MAST2: variants seen among roughly 807,000 people sequenced by gnomAD.
The protein encoded by MAST2 is microtubule-associated serine/threonine-protein kinase 2.
MAST2 carries 70 observed loss-of-function variants against 147.4 expected under a neutral mutation model. The ratio of observed to expected loss-of-function variants is 0.47; its 90% CI spans 0.39 to 0.58. The LOEUF is 0.58. Among genes scored for constraint, MAST2 ranks in the 20% least tolerant of loss-of-function variants. The pLI, the probability that MAST2 is intolerant of heterozygous loss-of-function variation, is 0.00. For synonymous variants in MAST2, 869 were observed against 896.8 expected (o/e 0.97, Z 0.55); for missense variants, 2,080 against 2,302.3 (o/e 0.90, Z 1.98).
chr1:46,036,047 A>C lies in MAST2; in HGVS notation c.5378A>C (p.Glu1793Ala), dbSNP rs777929999. 8.1e-6 allele frequency: 13 copies of C among 1,608,200 alleles called. No individual in the cohort carries two copies. The South Asian group carries it at 1.4e-4, about 18-fold the overall frequency. ...KHRDLALVPDELLKQT is the reference protein window; with the variant it reads ...KHRDLALVPDALLKQT Reference sequence around the variant, plus strand: ...CGGGATTTGGCATTGGTTCCAGATGAGCTTTTAAAGCAAACATAGCAGTTG... The same window carrying C: ...CGGGATTTGGCATTGGTTCCAGATGCGCTTTTAAAGCAAACATAGCAGTTG... The change falls in exon 29 of 29, where the codon GAG becomes GCG. Residue 1793 changes from glutamate (E) to alanine (A), a missense_variant. By Grantham distance (107) the Glu-to-Ala change is moderately radical. This residue lies in a region of MAST2 where 1,278 missense variants were observed against 1,304.2 expected (regional missense o/e 0.98). Coordinates refer to ENST00000361297, the MANE Select transcript of MAST2 (RefSeq NM_015112.3).
intron 4 of MAST2, among the ~76,000 whole-genome samples, chr1:45,920,526 C>G (rs1270048017): frequency 1.3e-5 from 2 of 152,180 alleles, no homozygotes; most frequent in Admixed American, 1.3e-4. Flanking sequence ...AAGGGTAAAT[C>G]TGATCTCTGA....
Position 45,996,712 on chromosome 1 carries a change from T to G in MAST2, c.593-1012T>G, listed in dbSNP as rs139344501. Among the ~76,000 whole-genome samples, 663 of 152,264 alleles carry G rather than the reference T, an allele frequency of 4.4e-3. 5 individuals are homozygous for G. Among genetic ancestry groups the G allele is most frequent in the African/African-American group, 0.015 (619 of 41,546 alleles). ...TAGGAGCACTGATTGAGAGGCTGGT[T>G]TCTACTAGATCAGTATAAAAAGACG... On this transcript the variant is annotated intron_variant, in intron 5 of 28. Transcript: ENST00000361297.
intron 1 of MAST2, among the ~76,000 whole-genome samples, chr1:45,807,402 A>C (rs1488961110): frequency 6.6e-6 from 1 of 152,022 alleles, no homozygotes; most frequent in Non-Finnish European, 1.5e-5. Flanking sequence ...AGTCCTCTTT[A>C]TTTATGGCAT....
chr1:45,805,777 C>G (rs1419193295), intron 1 of MAST2, among the ~76,000 whole-genome samples: 2 of 152,252 alleles, frequency 1.3e-5, no homozygotes, highest in East Asian at 3.9e-4. Context: ...CTTTTGTTTG[C>G]CTTAGACCCT....
intron 4 of MAST2, among the ~76,000 whole-genome samples, chr1:45,931,098 A>G (rs1387414957): frequency 6.6e-6 from 1 of 152,206 alleles, no homozygotes; most frequent in Non-Finnish European, 1.5e-5. Flanking sequence ...AGTTTAATTC[A>G]TATTTCACCA....
At position 46,033,939 on chromosome 1, in the gene MAST2, G is replaced by T; in HGVS notation, c.3674+1G>T. 2 of 1,614,040 alleles carry T rather than the reference G, an allele frequency of 1.2e-6. No individual in the cohort carries two copies. Among genetic ancestry groups the T allele is most frequent in the South Asian group, 2.2e-5 (2 of 91,086 alleles). On this transcript the variant is annotated splice_donor_variant, in intron 27 of 28. Transcript: ENST00000361297. LOFTEE classifies it high-confidence loss of function. ...GCCGCGGCAAGGATGGGCAAGAAAG[G>T]TGAGCCAGGCGCAGTGAAGAGGGTT...
chr1:45,819,447 A>G (rs551619695), intron 1 of MAST2, among the ~76,000 whole-genome samples: 1 of 152,306 alleles, frequency 6.6e-6, no homozygotes, highest in South Asian at 2.1e-4. Context: ...ATTTGATCTT[A>G]TATTTGGCAA....
intron 3 of MAST2, 53 bp downstream of exon 3, chr1:45,829,634 T>C (rs1238622742): frequency 6.5e-7 from 1 of 1,536,684 alleles, no homozygotes; most frequent in Non-Finnish European, 8.9e-7. Context: ...ATAATTGTCA[T>C]TTGTCATTGC....
At position 46,025,818 on chromosome 1, in the gene MAST2, A is replaced by G. The variant is rs373174570; in HGVS notation, c.1919+3A>G. On this transcript the variant is annotated splice_donor_region_variant and intron_variant, in intron 16 of 28. Coordinates refer to ENST00000361297, the MANE Select transcript of MAST2 (RefSeq NM_015112.3). ...CACCGTGACCTCAAGCCTGACAAGT[A>G]TGTCCACAGTCTGTGTCCCTTGTCC... 2 of 1,614,078 alleles carry G rather than the reference A, an allele frequency of 1.2e-6. No homozygotes were observed. The highest frequency in any genetic ancestry group is 2.7e-5 in the African/African-American group (2 of 74,918).
At chr1:45,887,366 A>G (rs1647141895) in intron 4 of MAST2, among the ~76,000 whole-genome samples, 2 of 152,204 alleles carry the variant, frequency 1.3e-5, no homozygotes, top group Admixed American at 6.5e-5. Context: ...GGTTGCATTC[A>G]TCATGGGGTA....
intron 4 of MAST2, 150 bp from the exon 5 acceptor site, chr1:45,959,236 G>A: frequency 1.8e-6 from 1 of 570,202 alleles, no homozygotes; most frequent in Non-Finnish European, 3.1e-6. Flanking sequence ...TCTAACTGGT[G>A]CCGAGTGTAA....
chr1:45,978,834 A>C (rs1644280675), intron 5 of MAST2, among the ~76,000 whole-genome samples: 1 of 151,696 alleles, frequency 6.6e-6, no homozygotes, highest in African/African-American at 2.4e-5. Context: ...GTGTAGATGG[A>C]AATGAAGAGT....
At chr1:45,898,857 A>G (rs1649223207) in intron 4 of MAST2, among the ~76,000 whole-genome samples, 1 of 152,176 alleles carries the variant, frequency 6.6e-6, no homozygotes, top group African/African-American at 2.4e-5. Context: ...GGCCACCTCA[A>G]GGGAGCACAT....
At chr1:45,861,479 A>T (rs1240285096) in intron 3 of MAST2, among the ~76,000 whole-genome samples, 1 of 149,630 alleles carries the variant, frequency 6.7e-6, no homozygotes, top group African/African-American at 2.5e-5. Context: ...TTTTTATTTC[A>T]TGGAGAAAAT....
intron 3 of MAST2, among the ~76,000 whole-genome samples, chr1:45,846,013 G>A (rs1214867449): frequency 1.3e-5 from 2 of 152,104 alleles, no homozygotes; most frequent in African/African-American, 4.8e-5. Flanking sequence ...GCCCGCCTCG[G>A]CCTCCCAAAG....
chr1:46,015,610 C>G (rs1645902306), intron 10 of MAST2, among the ~76,000 whole-genome samples: 1 of 152,054 alleles, frequency 6.6e-6, no homozygotes, highest in Non-Finnish European at 1.5e-5. Context: ...ATACACCCTC[C>G]CAAGACTAAA....
intron 4 of MAST2, among the ~76,000 whole-genome samples, chr1:45,906,673 T>C (rs1051051299): frequency 2.0e-5 from 3 of 148,632 alleles, no homozygotes; most frequent in African/African-American, 7.3e-5. Context: ...TATATAAGTT[T>C]GTAACATATA....
intron 3 of MAST2, among the ~76,000 whole-genome samples, chr1:45,832,615 C>G (rs185705161): frequency 1.3e-5 from 2 of 152,198 alleles, no homozygotes; most frequent in Non-Finnish European, 2.9e-5. Context: ...TAAAGTGTTA[C>G]CCTGATTCTA....
At chr1:45,879,572 C>CACA (rs1646755336) in intron 3 of MAST2, among the ~76,000 whole-genome samples, 1 of 101,708 alleles carries the variant, frequency 9.8e-6, no homozygotes, top group South Asian at 3.7e-4. Flanking sequence ...GACTCCATCT[C>CACA]AAAAAAAAAA....
Sources: allele counts gnomAD v4.1 joint callset (sites outside exome capture counted in the v4.1 genomes callset), GRCh38; gene constraint gnomAD v4.1.1; regional missense constraint gnomAD v4.1.1; transcripts MANE v1.5; gene names NCBI Gene and HGNC (gene_info 2026-07-23, HGNC 2026-07-21).